TRMT1: variants seen among roughly 807,000 people sequenced by gnomAD.
TRMT1 encodes the protein tRNA methyltransferase 1.
Under a neutral mutation model 75.4 loss-of-function variants are expected in TRMT1, and 63 were observed. The ratio of observed to expected loss-of-function variants is 0.84; its 90% CI spans 0.68 to 1.03. The LOEUF is 1.03. Ranked by LOEUF, TRMT1 falls within the 50% of genes least tolerant of loss-of-function variation. The pLI is 0.00. For missense variants in TRMT1, 870 were observed against 905.3 expected (o/e 0.96, Z 0.50); for synonymous variants, 382 against 358.1 (o/e 1.07, Z -0.75).
In TRMT1 at chr19:13,105,311, G is replaced by A. The variant is rs201873417; in HGVS notation, c.1789C>T (p.Arg597Trp). 50 of 1,613,898 alleles carry A rather than the reference G, an allele frequency of 3.1e-5. 1 individual carries two copies. Among genetic ancestry groups the A allele is most frequent in the Middle Eastern group, 3.3e-4 (2 of 6,084 alleles). ...GGAAATGTCTTGAGCCGGGCAGCCC[G>A]CTGGGCCACATCTTCCGGCGGCTCC... ...RKEPPEDVAQ[R>W]AARLKTFPCK... The change falls in exon 16 of 17, where the codon CGG becomes TGG. Residue 597 changes from arginine (R) to tryptophan (W), a missense_variant. Arg to Trp is a moderately radical substitution (Grantham distance 101). Transcript: ENST00000357720.
intron 8 of TRMT1, 56 bp downstream of exon 8, chr19:13,110,102 G>T: frequency 6.2e-7 from 1 of 1,608,738 alleles, no homozygotes; most frequent in South Asian, 1.1e-5. Flanking sequence ...AGATCCCCCA[G>T]GGCAAGGTCC....
At position 13,109,393 on chromosome 19, in the gene TRMT1, A is replaced by G. The variant is rs767009382; in HGVS notation, c.1385T>C (p.Leu462Pro). The G allele has an allele frequency of 1.4e-5, 23 of 1,612,596 alleles. No homozygotes were observed. The highest frequency in any genetic ancestry group is 1.9e-5 in the Non-Finnish European group (22 of 1,179,980). ...CAGGGGCTCTTACCGCAACTGCAGG[A>G]GGCTTGGTGTGTTGCAGTGGATGGT... ...SSTIHCNTPS[L>P]LQLRSALLHA... The change falls in exon 12 of 17, where the codon CTC becomes CCC. Residue 462 changes from leucine (L) to proline (P), a missense_variant. Coordinates refer to ENST00000357720, the MANE Select transcript of TRMT1 (RefSeq NM_001136035.4).
chr19:13,116,366 A>C lies in TRMT1; in HGVS notation c.34T>G (p.Phe12Val). 1.2e-6 allele frequency: 2 copies of C among 1,611,374 alleles called. No individual in the cohort carries two copies. Among genetic ancestry groups the C allele is most frequent in the Non-Finnish European group, 1.7e-6 (2 of 1,179,378 alleles). ...QGSSLWLSLTFRSARVLSRAR... is the reference protein window; with the variant it reads ...QGSSLWLSLTVRSARVLSRAR... ...CTAGAGAGCACCCGGGCGGAGCGGA[A>C]AGTGAGGCTTAGCCACAGAGACGAT... The change falls in exon 2 of 17, where the codon TTC becomes GTC. Residue 12 changes from phenylalanine to valine, a missense_variant. By Grantham distance (50) the Phe-to-Val change is conservative. Coordinates refer to ENST00000357720, the MANE Select transcript of TRMT1 (RefSeq NM_001136035.4).
Position 13,116,421 on chromosome 19 carries a change from G to A in TRMT1, c.-22C>T. On this transcript the variant is annotated 5_prime_UTR_variant, in exon 2 of 17. Transcript: ENST00000357720. The stretch of plus-strand genomic sequence containing the variant: ...GCATGAGACATCCGCTGGCGCCTCC[G>A]CCCGCCAAGCCTGGTTCGGGGGGCG... 1 of 1,561,050 alleles carries A rather than the reference G, an allele frequency of 6.4e-7. No homozygotes were observed. The highest frequency in any genetic ancestry group is 1.2e-5 in the South Asian group (1 of 86,356).
At chr19:13,105,181 G>A in intron 16 of TRMT1, 86 bp downstream of exon 16, 2 of 1,557,528 alleles carry the variant, frequency 1.3e-6, no homozygotes, top group Non-Finnish European at 8.7e-7. Flanking sequence ...ACACTTGCCT[G>A]GCCCCAGCTC....
chr19:13,112,313 T>A (rs1383592731), intron 7 of TRMT1, among the ~76,000 whole-genome samples: 1 of 152,136 alleles, frequency 6.6e-6, no homozygotes, highest in Non-Finnish European at 1.5e-5. Flanking sequence ...GTGCCCATTT[T>A]ACAGATGCAA....
At position 13,105,585 on chromosome 19, in the gene TRMT1, G is replaced by A. The variant is rs1336022702; in HGVS notation, c.1605C>T (p.Ile535=). The A allele has an allele frequency of 1.2e-6, 2 of 1,613,640 alleles. No individual in the cohort carries two copies. The highest frequency in any genetic ancestry group is 1.7e-5 in the Admixed American group (1 of 59,982). ...VEPRLQANFT[I]REDANPSSRQ... is the part of the protein sequence containing the mutation. ...GGGAGCTGGGGTTGGCATCTTCCCG[G>A]ATGGTGAAGTTGGCCTGCAGCCTAG... The change falls in exon 15 of 17, where the codon ATC becomes ATT. Residue 535 remains isoleucine (I), a synonymous_variant. Transcript: ENST00000357720.
In TRMT1 at chr19:13,116,136, C is replaced by T. The variant is rs1175220386; in HGVS notation, c.254+10G>A. 5 of 1,614,104 alleles carry T rather than the reference C, an allele frequency of 3.1e-6. No homozygotes were observed. Among genetic ancestry groups the T allele is most frequent in the Admixed American group, 1.7e-5 (1 of 60,016 alleles). On this transcript the variant is annotated intron_variant, in intron 2 of 16. Coordinates refer to ENST00000357720, the MANE Select transcript of TRMT1 (RefSeq NM_001136035.4). ...AGCCGATGCCAGGCTAACGTCTGAC[C>T]CCTGCTCACGTCAGGTCCCGATTGA...
chr19:13,114,988 A>G (rs75551089), intron 5 of TRMT1, among the ~76,000 whole-genome samples: 2 of 152,358 alleles, frequency 1.3e-5, no homozygotes, highest in East Asian at 3.9e-4. Context: ...GACACATAGC[A>G]GACACTGGAT....
intron 7 of TRMT1, among the ~76,000 whole-genome samples, 161 bp downstream of exon 7, chr19:13,112,544 G>A (rs1428794298): frequency 2.0e-5 from 3 of 152,248 alleles, no homozygotes; most frequent in Non-Finnish European, 4.4e-5. Flanking sequence ...TAGGAACTAT[G>A]TGGGTTGAAG....
rs138719631 is a variant in TRMT1 at position 13,106,778 on chromosome 19, C to T, written c.1583+796G>A. ...CTGGGATTACAGGTGTGAGCCACTA[C>T]GCCCAGCCCAGTCAGCAGATTTAGT... On this transcript the variant is annotated intron_variant, in intron 14 of 16. Transcript: ENST00000357720. 2.7e-4 allele frequency among the ~76,000 whole-genome samples: 41 copies of T among 151,360 alleles called. No individual in the cohort carries two copies. The South Asian group carries it at 4.6e-3, about 17-fold the overall frequency.
At chr19:13,114,039 A>G (rs2019241093) in intron 5 of TRMT1, among the ~76,000 whole-genome samples, 2 of 152,220 alleles carry the variant, frequency 1.3e-5, no homozygotes, top group Admixed American at 6.5e-5. Context: ...CACCATGCCC[A>G]GCTAATTACT....
chr19:13,107,514 A>G lies in TRMT1; in HGVS notation c.1583+60T>C, dbSNP rs914366279. 1.8e-5 allele frequency: 27 copies of G among 1,540,628 alleles called. No individual in the cohort carries two copies. The Admixed American group carries it at 4.0e-4, about 23-fold the overall frequency. On this transcript the variant is annotated intron_variant, in intron 14 of 16. Transcript: ENST00000357720. The stretch of plus-strand genomic sequence containing the variant: ...GGGGCAGCATCTGTGTTGTCTGCAC[A>G]CACATGTGCTTCCATGTCTGTGGGC...
Position 13,105,580 on chromosome 19 carries a change from T to A in TRMT1, c.1610A>T (p.Glu537Val). 6.2e-7 allele frequency: 1 copy of A among 1,613,692 alleles called. No homozygotes were observed. Among genetic ancestry groups the A allele is most frequent in the Non-Finnish European group, 8.5e-7 (1 of 1,179,870 alleles). The change falls in exon 15 of 17, where the codon GAA (glutamate) becomes GTA (valine). Residue 537 changes from glutamate to valine, a missense_variant. By Grantham distance (121) the Glu-to-Val change is moderately radical (BLOSUM62 -2). Coordinates refer to ENST00000357720, the MANE Select transcript of TRMT1 (RefSeq NM_001136035.4). ...CTGTCGGGAGCTGGGGTTGGCATCT[T>A]CCCGGATGGTGAAGTTGGCCTGCAG... ...PRLQANFTIR[E>V]DANPSSRQRG... is the part of the protein sequence containing the mutation.
At chr19:13,108,727 A>C (rs2018991432) in intron 12 of TRMT1, among the ~76,000 whole-genome samples, 1 of 151,936 alleles carries the variant, frequency 6.6e-6, no homozygotes, top group Non-Finnish European at 1.5e-5. Flanking sequence ...CTCGTGCCTC[A>C]GCCTCCCAAG....
intron 7 of TRMT1, 80 bp downstream of exon 7, chr19:13,112,625 G>A (rs543212442): frequency 4.3e-5 from 59 of 1,386,892 alleles, no homozygotes; most frequent in South Asian, 4.1e-4. Flanking sequence ...GGTCTGAGGA[G>A]GGGGAAAGTG....
chr19:13,105,155 G>A, intron 16 of TRMT1, 74 bp from the exon 17 acceptor site: 1 of 1,548,080 alleles, frequency 6.5e-7, no homozygotes, highest in Non-Finnish European at 8.7e-7. Context: ...TCCTGGGATG[G>A]GAAGCCCACT....
chr19:13,105,190 TC>T, intron 16 of TRMT1, 76 bp downstream of exon 16: 2 of 1,560,234 alleles, frequency 1.3e-6, no homozygotes, highest in Non-Finnish European at 1.7e-6. Context: ...TGGCCCCAGC[TC>T]CCCCAATTCT....
chr19:13,106,132 T>C (rs2018858581), intron 14 of TRMT1, among the ~76,000 whole-genome samples: 1 of 149,500 alleles, frequency 6.7e-6, no homozygotes, highest in Non-Finnish European at 1.5e-5. Context: ...GCGATCGCCA[T>C]CAAAGCTGCA....
Sources: allele counts gnomAD v4.1 joint callset (sites outside exome capture counted in the v4.1 genomes callset), GRCh38; gene constraint gnomAD v4.1.1; transcripts MANE v1.5; gene names NCBI Gene and HGNC (gene_info 2026-07-23, HGNC 2026-07-21).